Variants in TTN observed in about 807,000 individuals in gnomAD.
TTN encodes connectin.
TTN carries 1,525 observed loss-of-function variants against 3,223.0 expected under a neutral mutation model. The ratio of observed to expected loss-of-function variants is 0.47; its 90% CI spans 0.45 to 0.49. The LOEUF is 0.49. Ranked by LOEUF, TTN falls within the 20% of genes least tolerant of loss-of-function variation. TTN has a pLI of 0.00. For missense variants in TTN, 40,786 were observed against 43,424.0 expected, an observed-to-expected ratio of 0.94 and a Z score of 5.40; for synonymous variants, 14,094 against 15,161.0, an observed-to-expected ratio of 0.93 and a Z score of 5.17.
In TTN at chr2:178,745,710, T is replaced by C. The variant is rs1433120950; in HGVS notation, c.11312-3789A>G. 3 of 1,611,766 alleles carry C rather than the reference T, an allele frequency of 1.9e-6. No homozygotes were observed. The African/African-American group carries it at 4.0e-5, about 22-fold the overall frequency. ...AACAGGTTATGGAACCCTGTGCCAC[T>C]TTCCTCAACAGTGAACCTTCTTCCT... On this transcript the variant is annotated intron_variant, in intron 47 of 362. Transcript: ENST00000589042.
At position 178,549,584 on chromosome 2, in the gene TTN, G is replaced by A; in HGVS notation, c.92138C>T (p.Ala30713Val). 7 of 1,612,476 alleles carry A rather than the reference G, an allele frequency of 4.3e-6. No homozygotes were observed. Among genetic ancestry groups the A allele is most frequent in the Non-Finnish European group, 4.2e-6 (5 of 1,178,678 alleles). ...CGCAAACTTACTATATTGTATTTGAGCAACCACTGGATCAGAATCAAGTGG... is the reference window on the plus strand; with the variant it reads ...CGCAAACTTACTATATTGTATTTGAACAACCACTGGATCAGAATCAAGTGG... ...GRPLDSDPVV[A>V]QIQYTVPDAP... is the part of the protein sequence containing the mutation. Residue 30713 changes from alanine (A) to valine (V), a missense_variant, in exon 338 of 363, where the codon GCT (alanine) becomes GTT (valine). Physicochemically the swap from Ala to Val is moderately conservative, Grantham distance 64 (BLOSUM62 0). Coordinates refer to ENST00000589042, the MANE Select transcript of TTN (RefSeq NM_001267550.2).
chr2:178,601,512 A>G lies in TTN; in HGVS notation c.55485T>C (p.Ser18495=), dbSNP rs1213190093. ...CTGGCATCTTCCATGAAAGTCTGCAACTACCCCTTGTGATATCACTGACTT... is the reference window on the plus strand; with the variant it reads ...CTGGCATCTTCCATGAAAGTCTGCAGCTACCCCTTGTGATATCACTGACTT... ...DLKVSDITRG[S]CRLSWKMPDD... The change falls in exon 287 of 363, where the codon AGT becomes AGC. Residue 18495 remains serine, a synonymous_variant. Transcript: ENST00000589042. 2 of 1,612,964 alleles carry G rather than the reference A, an allele frequency of 1.2e-6. No homozygotes were observed. Among genetic ancestry groups the G allele is most frequent in the East Asian group, 4.5e-5 (2 of 44,792 alleles).
At position 178,530,566 on chromosome 2, in the gene TTN, G is replaced by A. The variant is rs1688665396; in HGVS notation, c.106049C>T (p.Thr35350Ile). ...GTYELKINNL[T>I]ESDQGEYVCE... ...AACATATTCTCCTTGATCAGATTCAGTGAGGTTATTGATTTTGAGCTCATA... is the reference window on the plus strand; with the variant it reads ...AACATATTCTCCTTGATCAGATTCAATGAGGTTATTGATTTTGAGCTCATA... The change falls in exon 358 of 363, where the codon ACT (threonine) becomes ATT (isoleucine). Residue 35350 changes from threonine to isoleucine, a missense_variant. Transcript: ENST00000589042. The A allele has an allele frequency of 7.4e-6, 12 of 1,614,014 alleles. No homozygotes were observed. The highest frequency in any genetic ancestry group is 1.0e-5 in the Non-Finnish European group (12 of 1,179,900).
Position 178,762,478 on chromosome 2 carries a change from A to G in TTN, c.10114+1699T>C, listed in dbSNP as rs558460021. 3.3e-5 allele frequency among the ~76,000 whole-genome samples: 5 copies of G among 152,302 alleles called. No homozygotes were observed. In the East Asian group the frequency reaches 7.7e-4, roughly 23 times the overall value. ...TTCAGGTGTATTTCTACAACACTTTAAAGGCAATACTACCATATGTTAATA... is the reference window on the plus strand; with the variant it reads ...TTCAGGTGTATTTCTACAACACTTTGAAGGCAATACTACCATATGTTAATA... On this transcript the variant is annotated intron_variant, in intron 43 of 362. Coordinates refer to ENST00000589042, the MANE Select transcript of TTN (RefSeq NM_001267550.2).
chr2:178,776,185 A>C lies in TTN; in HGVS notation c.5679T>G (p.Gly1893=). Residue 1893 remains glycine (G), a synonymous_variant, in exon 28 of 363, where the codon GGT becomes GGG. Transcript: ENST00000589042. ...AGTCCACGATGTCCAGGTAATGGAT[A>C]CCATCATAGCGAACTCTGAACCTTT... The part of the protein sequence containing the change: ...KSKRFRVRYD[G]IHYLDIVDCK... 2.5e-6 allele frequency: 4 copies of C among 1,614,144 alleles called. No individual in the cohort carries two copies. Among genetic ancestry groups the C allele is most frequent in the Non-Finnish European group, 3.4e-6 (4 of 1,179,984 alleles).
Position 178,651,233 on chromosome 2 carries a change from T to G in TTN, c.39625+10A>C. On this transcript the variant is annotated intron_variant, in intron 208 of 362. Transcript: ENST00000589042. ...GTGCTTTTCTGCAGAATCTCATTAG[T>G]GACATGTACCTTTTGCTGGTGGGAC... is the stretch of plus-strand genomic sequence containing the variant. The G allele has an allele frequency of 6.2e-7, 1 of 1,608,954 alleles. No individual in the cohort carries two copies. Among genetic ancestry groups the G allele is most frequent in the Non-Finnish European group, 8.5e-7 (1 of 1,176,782 alleles).
rs794729309 is a variant in TTN at position 178,695,964 on chromosome 2, A to AT, written c.31107dup (p.Tyr10370IlefsTer3). On this transcript the variant is annotated frameshift_variant, in exon 114 of 363. Coordinates refer to ENST00000589042, the MANE Select transcript of TTN (RefSeq NM_001267550.2). LOFTEE classifies it high-confidence loss of function. ...TCATAGCCTTCTTCCCTTTCATAGT[A>AT]TTCTTGCCCTTCTTCAAAATCTTCT... The AT allele has an allele frequency of 6.5e-7, 1 of 1,543,564 alleles. No homozygotes were observed. The highest frequency in any genetic ancestry group is 8.7e-7 in the Non-Finnish European group (1 of 1,143,956).
chr2:178,771,181 T>C (rs761042640), intron 34 of TTN, 30 bp downstream of exon 34: 48 of 1,613,296 alleles, frequency 3.0e-5, no homozygotes, highest in Non-Finnish European at 4.0e-5. Flanking sequence ...TGTAATATGA[T>C]TTGAAAAGGA....
intron 47 of TTN, chr2:178,747,368 T>C (rs560037336): frequency 2.5e-6 from 4 of 1,613,354 alleles, no homozygotes; most frequent in Non-Finnish European, 2.5e-6. Flanking sequence ...TTTAGTTATA[T>C]CTGAAGGATT....
At position 178,639,776 on chromosome 2, in the gene TTN, A is replaced by G. The variant is rs1453591483; in HGVS notation, c.40799T>C (p.Ile13600Thr). The change falls in exon 223 of 363, where the codon ATC becomes ACC. Residue 13600 changes from isoleucine (I) to threonine (T), a missense_variant. Physicochemically the swap from Ile to Thr is moderately conservative, Grantham distance 89. Transcript: ENST00000589042. Reference sequence around the variant, plus strand: ...TTCAGGTTCCACAGGAGGTGGTTTGATTGTTTTCACTTCTGTAGAGAGAAG... The same window carrying G: ...TTCAGGTTCCACAGGAGGTGGTTTGGTTGTTTTCACTTCTGTAGAGAGAAG... The part of the protein sequence containing the change: ...KPKPEAEVKT[I>T]KPPPVEPEPT... 1.3e-6 allele frequency: 2 copies of G among 1,595,804 alleles called. No homozygotes were observed. Among genetic ancestry groups the G allele is most frequent in the African/African-American group, 1.4e-5 (1 of 73,788 alleles).
At chr2:178,536,885 A>T (rs1691806658) in intron 356 of TTN, 53 bp downstream of exon 356, 1 of 1,455,222 alleles carries the variant, frequency 6.9e-7, no homozygotes, top group African/African-American at 1.4e-5. Context: ...AAAGAATTTT[A>T]TGCAAAGATG....
intron 10 of TTN, 41 bp downstream of exon 10, chr2:178,792,031 A>G: frequency 6.2e-7 from 1 of 1,603,414 alleles, no homozygotes; most frequent in South Asian, 1.1e-5. Context: ...GTAATGTGAT[A>G]TTGTCAACAA....
chr2:178,668,631 C>T (rs551878842), intron 159 of TTN, among the ~76,000 whole-genome samples: 1 of 151,266 alleles, frequency 6.6e-6, no homozygotes, highest in East Asian at 1.9e-4. Flanking sequence ...ACTCGGGAGG[C>T]TGGGGCAGGA....
chr2:178,620,332 A>G lies in TTN; in HGVS notation c.46189T>C (p.Leu15397=), dbSNP rs2058079835. 6.3e-7 allele frequency: 1 copy of G among 1,596,878 alleles called. No homozygotes were observed. The highest frequency in any genetic ancestry group is 8.5e-7 in the Non-Finnish European group (1 of 1,170,404). The change falls in exon 248 of 363, where the codon TTG becomes CTG. Residue 15397 remains leucine, a synonymous_variant. Coordinates refer to ENST00000589042, the MANE Select transcript of TTN (RefSeq NM_001267550.2). ...IEAPTEFVEH[L]EDQTVTEFDD... Reference sequence around the variant, plus strand: ...AACTCAGTGACTGTCTGATCTTCCAAGTGTTCCACAAATTCTGTCGGGGCT... The same window carrying G: ...AACTCAGTGACTGTCTGATCTTCCAGGTGTTCCACAAATTCTGTCGGGGCT...
At chr2:178,714,255 T>A in intron 91 of TTN, 37 bp downstream of exon 91, 2 of 1,601,374 alleles carry the variant, frequency 1.2e-6, no homozygotes, top group South Asian at 2.2e-5. Context: ...GGTGAGTGTG[T>A]GCCTTGTATC....
In TTN at chr2:178,768,264, T is replaced by C; in HGVS notation, c.9164-109A>G. ...AAGTATACAATTCAATGAATTTCCA[T>C]GTATTCATCATTGTGTAGCCATCAC... On this transcript the variant is annotated intron_variant, in intron 38 of 362. Transcript: ENST00000589042. 5 of 1,307,556 alleles carry C rather than the reference T, an allele frequency of 3.8e-6. No individual in the cohort carries two copies. In the South Asian group the frequency reaches 5.1e-5, roughly 13 times the overall value. The allele number at this position is 1,307,556 out of a possible 1,614,324, so 81.0% of individuals were successfully genotyped here.
At chr2:178,639,596 A>T in intron 223 of TTN, 103 bp downstream of exon 223, 2 of 1,151,820 alleles carry the variant, frequency 1.7e-6, no homozygotes, top group Non-Finnish European at 2.6e-6. Flanking sequence ...TTGAAATGAT[A>T]CCTATGTTGC....
chr2:178,663,925 A>G, intron 169 of TTN, 23 bp from the exon 170 acceptor site: 1 of 1,613,242 alleles, frequency 6.2e-7, no homozygotes, highest in South Asian at 1.1e-5. Context: ...TAGTGAAATT[A>G]CATTTAGGTG....
intron 19 of TTN, 37 bp downstream of exon 19, chr2:178,782,502 G>C (rs1234661344): frequency 6.2e-7 from 1 of 1,613,648 alleles, no homozygotes; most frequent in Non-Finnish European, 8.5e-7. Context: ...AAGTCAAAAT[G>C]GTACTAGAAC....
Sources: gnomAD v4.1 joint callset for allele counts (sites outside exome capture counted in the v4.1 genomes callset) on GRCh38, gnomAD v4.1.1 for gene constraint, MANE v1.5 for transcripts, NCBI Gene and HGNC (gene_info 2026-07-23, HGNC 2026-07-21) for gene names.